Variants in KHDRBS2 observed in about 807,000 individuals in gnomAD.
KHDRBS2 encodes the protein KH RNA binding domain containing, signal transduction associated 2, also known as KH domain-containing, RNA-binding, signal transduction-associated protein 2.
Under a neutral mutation model 44.3 loss-of-function variants are expected in KHDRBS2, and 26 were observed. That is an observed-to-expected ratio of 0.59 (90% CI 0.43 to 0.81). The LOEUF (loss-of-function observed/expected upper bound fraction) is 0.81. Ranked by LOEUF, KHDRBS2 falls within the 40% of genes least tolerant of loss-of-function variation. The pLI, the probability that KHDRBS2 is intolerant of heterozygous loss-of-function variation, is 0.00. For missense variants in KHDRBS2, 476 were observed against 433.1 expected (o/e 1.10, Z -0.88); for synonymous variants, 194 against 151.1 (o/e 1.28, Z -2.08).
chr6:61,748,268 C>T (rs866399476), intron 6 of KHDRBS2, among the ~76,000 whole-genome samples: 2 of 152,150 alleles, frequency 1.3e-5, no homozygotes, highest in Admixed American at 6.5e-5. Flanking sequence ...GGATTACAGG[C>T]GTGAGCCACC....
In KHDRBS2 at chr6:61,837,643, C is replaced by A. The variant is rs540737122; in HGVS notation, c.810+56992G>T. On this transcript the variant is annotated intron_variant, in intron 6 of 8. Transcript: ENST00000281156. ...AAAGTAGCACCTGACTCAAACACTA[C>A]AAGCATCAAAAAATGTAGGGCCAGT... 1.1e-4 allele frequency among the ~76,000 whole-genome samples: 16 copies of A among 152,092 alleles called. No individual in the cohort carries two copies. In the South Asian group the frequency reaches 1.2e-3, roughly 12 times the overall value.
At chr6:61,849,238 G>A (rs1278962816) in intron 6 of KHDRBS2, among the ~76,000 whole-genome samples, 1 of 152,022 alleles carries the variant, frequency 6.6e-6, no homozygotes, top group African/African-American at 2.4e-5. Flanking sequence ...AATGTTGCTT[G>A]AACTGATCAT....
At chr6:61,710,341 T>TA (rs1180620080) in intron 7 of KHDRBS2, among the ~76,000 whole-genome samples, 2 of 151,716 alleles carry the variant, frequency 1.3e-5, no homozygotes, top group Non-Finnish European at 2.9e-5. Context: ...AGAAAGGAAA[T>TA]CAGAATTCTG....
intron 4 of KHDRBS2, among the ~76,000 whole-genome samples, chr6:61,926,582 T>C (rs953492757): frequency 7.9e-5 from 12 of 152,238 alleles, no homozygotes; most frequent in African/African-American, 1.7e-4. Flanking sequence ...GTCCAAATCA[T>C]AGCACTCAAG....
intron 7 of KHDRBS2, among the ~76,000 whole-genome samples, chr6:61,730,245 G>C (rs926882153): frequency 2.6e-5 from 4 of 152,050 alleles, no homozygotes; most frequent in African/African-American, 9.7e-5. Flanking sequence ...TGGTATCACT[G>C]CAACTAATTT....
chr6:62,220,268 A>G (rs1263543915), intron 1 of KHDRBS2, among the ~76,000 whole-genome samples: 1 of 151,954 alleles, frequency 6.6e-6, no homozygotes, highest in Admixed American at 6.6e-5. Flanking sequence ...TACAATTTAA[A>G]TAGTAACATA....
chr6:62,108,396 A>G (rs12201665), intron 2 of KHDRBS2, among the ~76,000 whole-genome samples: 2,690 of 152,196 alleles, frequency 0.018, 39 homozygotes, highest in South Asian at 0.057. Flanking sequence ...ACCACAATGA[A>G]ATACCATCTC....
intron 6 of KHDRBS2, among the ~76,000 whole-genome samples, chr6:61,830,374 T>C (rs1231195753): frequency 6.6e-6 from 1 of 152,220 alleles, no homozygotes; most frequent in Non-Finnish European, 1.5e-5. Flanking sequence ...CTGATACCTA[T>C]CTAAGTCTTC....
intron 6 of KHDRBS2, among the ~76,000 whole-genome samples, chr6:61,835,953 A>T (rs1053430639): frequency 6.6e-6 from 1 of 151,930 alleles, no homozygotes; most frequent in African/African-American, 2.4e-5. Context: ...AAACTAGAGG[A>T]TATTTCCCGG....
chr6:61,816,275 T>C (rs1056473980), intron 6 of KHDRBS2, among the ~76,000 whole-genome samples: 1 of 152,136 alleles, frequency 6.6e-6, no homozygotes, highest in Non-Finnish European at 1.5e-5. Context: ...TATAGTCAAA[T>C]TTGGAGGCAG....
intron 3 of KHDRBS2, among the ~76,000 whole-genome samples, chr6:62,038,322 T>C (rs75255045): frequency 2.4e-5 from 1 of 42,022 alleles, no homozygotes; most frequent in Non-Finnish European, 8.7e-5. Context: ...AAGCTGCTGA[T>C]TTTTTTTTTT....
intron 2 of KHDRBS2, among the ~76,000 whole-genome samples, chr6:62,075,695 A>T (rs1796193509): frequency 6.6e-6 from 1 of 151,660 alleles, no homozygotes; most frequent in African/African-American, 2.4e-5. Context: ...TAGATGAGTA[A>T]CTCTATCATC....
intron 4 of KHDRBS2, among the ~76,000 whole-genome samples, chr6:61,905,565 T>C (rs1302366888): frequency 6.6e-6 from 1 of 152,210 alleles, no homozygotes; most frequent in Non-Finnish European, 1.5e-5. Context: ...TAAAGGAGTA[T>C]ATTTGAGTGT....
intron 6 of KHDRBS2, among the ~76,000 whole-genome samples, chr6:61,815,235 G>C (rs774141166): frequency 6.6e-6 from 1 of 151,974 alleles, no homozygotes; most frequent in African/African-American, 2.4e-5. Flanking sequence ...TATGCTAGAC[G>C]AAGGGATGAT....
At chr6:62,138,058 A>T (rs980380100) in intron 2 of KHDRBS2, among the ~76,000 whole-genome samples, 1 of 152,196 alleles carries the variant, frequency 6.6e-6, no homozygotes, top group African/African-American at 2.4e-5. Flanking sequence ...GAAGGATTTT[A>T]ACTGACGTGT....
chr6:61,546,552 A>G, the KHDRBS2 span, among the ~76,000 whole-genome samples: 29 of 152,162 alleles, frequency 1.9e-4, no homozygotes, highest in Admixed American at 1.4e-3. Context: ...TTCAATTTCT[A>G]AAGACACCAA....
At chr6:62,257,410 C>T (rs1364462933) in intron 1 of KHDRBS2, among the ~76,000 whole-genome samples, 3 of 152,050 alleles carry the variant, frequency 2.0e-5, no homozygotes, top group Non-Finnish European at 2.9e-5. Context: ...TTAAAACTAT[C>T]AAACTCAAAA....
At chr6:61,556,571 A>C in the KHDRBS2 span, among the ~76,000 whole-genome samples, 1 of 152,134 alleles carries the variant, frequency 6.6e-6, no homozygotes, top group African/African-American at 2.4e-5. Context: ...ATAGTTTGTC[A>C]GTTTTTCTTT....
rs566031962 is a variant in KHDRBS2 at position 61,899,951 on chromosome 6, A to G, written c.611+1293T>C. Among the ~76,000 whole-genome samples, 5 of 151,984 alleles carry G rather than the reference A, an allele frequency of 3.3e-5. No individual in the cohort carries two copies. The South Asian group carries it at 1.0e-3, about 31-fold the overall frequency. On this transcript the variant is annotated intron_variant, in intron 5 of 8. Transcript: ENST00000281156. ...CTCATCAAGATGAGATTAGAAATGT[A>G]CACGGTTTTACAAAACAACCCATAA...
Sources: gnomAD v4.1 joint callset for allele counts (sites outside exome capture counted in the v4.1 genomes callset) on GRCh38, gnomAD v4.1.1 for gene constraint, MANE v1.5 for transcripts, NCBI Gene and HGNC (gene_info 2026-07-23, HGNC 2026-07-21) for gene names.